The following HOXB5 variants were observed in gnomAD, a reference collection of about 807,000 sequenced individuals.
HOXB5 encodes the protein homeobox protein Hox-B5.
In HOXB5, 10 loss-of-function variants were observed where a neutral mutation model predicts 19.6. That is an observed-to-expected ratio of 0.51 (90% CI 0.32 to 0.87). HOXB5 has a LOEUF of 0.87. Ranked by LOEUF, HOXB5 falls within the 40% of genes least tolerant of loss-of-function variation. HOXB5 has a pLI of 0.04. For missense variants in HOXB5, 353 were observed against 369.6 expected (o/e 0.96, Z 0.37); for synonymous variants, 167 against 156.9 (o/e 1.06, Z -0.48).
chr17:48,593,063 C>CCCCCCCCAA, intron 1 of HOXB5, 58 bp downstream of exon 1: 3 of 466,134 alleles, frequency 6.4e-6, no homozygotes, highest in Non-Finnish European at 1.2e-5. Context: ...TCCCCCCGAT[C>CCCCCCCCAA]CCACCCCAAA....
At position 48,592,152 on chromosome 17, in the gene HOXB5, G is replaced by A; in HGVS notation, c.*57C>T. ...CGGCGGCAGAGCGGGGAGGATTGGA[G>A]GGGCCAGGGCTGGGGGTGGCACGGG... On this transcript the variant is annotated 3_prime_UTR_variant, in exon 2 of 2. Transcript: ENST00000239151. 6.4e-7 allele frequency: 1 copy of A among 1,572,150 alleles called. No individual in the cohort carries two copies. The highest frequency in any genetic ancestry group is 2.3e-5 in the East Asian group (1 of 44,438).
At position 48,592,185 on chromosome 17, in the gene HOXB5, G is replaced by T. The variant is rs2070168244; in HGVS notation, c.*24C>A. On this transcript the variant is annotated 3_prime_UTR_variant, in exon 2 of 2. Transcript: ENST00000239151. ...GGCTGGGGGTGGCACGGGCTCTTGG[G>T]CCGCTGGGCTCCTCTGGGCGGGCTC... The T allele has an allele frequency of 6.2e-7, 1 of 1,607,004 alleles. No individual in the cohort carries two copies. The highest frequency in any genetic ancestry group is 1.3e-5 in the African/African-American group (1 of 74,610).
Position 48,593,606 on chromosome 17 carries a change from C to G in HOXB5, c.77G>C (p.Ser26Thr). The change falls in exon 1 of 2, where the codon AGT becomes ACT. Residue 26 changes from serine to threonine, a missense_variant. By Grantham distance (58) the Ser-to-Thr change is moderately conservative. Transcript: ENST00000239151. ...GPDYQLLNYGSGSSLSGSYRD... is the reference protein window; with the variant it reads ...GPDYQLLNYGTGSSLSGSYRD... ...GTAAGAGCCGCTCAGAGAGCTGCCA[C>G]TGCCATAATTTAGCAACTGATAGTC... 2 of 1,613,138 alleles carry G rather than the reference C, an allele frequency of 1.2e-6. No homozygotes were observed. Among genetic ancestry groups the G allele is most frequent in the Non-Finnish European group, 1.7e-6 (2 of 1,180,022 alleles).
In HOXB5 at chr17:48,593,741, C is replaced by G; in HGVS notation, c.-59G>C. 2.8e-6 allele frequency: 4 copies of G among 1,412,570 alleles called. No homozygotes were observed. The highest frequency in any genetic ancestry group is 2.9e-6 in the Non-Finnish European group (3 of 1,036,098). The allele number at this position is 1,412,570 out of a possible 1,614,324, so 87.5% of individuals were successfully genotyped here. A position where few individuals can be genotyped will look rare whatever the true frequency, so the allele number is the denominator to read the frequency against. ...GTGGTCGTTATAACCCTGTGCTTCA[C>G]GATTTATGATGTATTAATGAATTAT... is the stretch of plus-strand genomic sequence containing the variant. On this transcript the variant is annotated 5_prime_UTR_variant, in exon 1 of 2. Transcript: ENST00000239151.
chr17:48,593,475 C>T lies in HOXB5; in HGVS notation c.208G>A (p.Gly70Ser), dbSNP rs2070200324. 6.2e-7 allele frequency: 1 copy of T among 1,612,608 alleles called. No individual in the cohort carries two copies. Among genetic ancestry groups the T allele is most frequent in the African/African-American group, 1.3e-5 (1 of 74,908 alleles). The change falls in exon 1 of 2, where the codon GGC (glycine) becomes AGC (serine). Residue 70 changes from glycine (G) to serine (S), a missense_variant. Gly to Ser is a moderately conservative substitution (Grantham distance 56). Coordinates refer to ENST00000239151, the MANE Select transcript of HOXB5 (RefSeq NM_002147.4). ...GCGGGGAAGGCGCGCGAGCTCTCGC[C>T]CACCGCCCCAAAGTGGCTGGAGGAG... is the stretch of plus-strand genomic sequence containing the variant. Reference protein sequence around the residue: ...SASSSHFGAVGESSRAFPAPA... With the variant: ...SASSSHFGAVSESSRAFPAPA...
rs376901743 is a variant in HOXB5 at position 48,592,410 on chromosome 17, G to A, written c.609C>T (p.Arg203=). 1.8e-5 allele frequency: 29 copies of A among 1,614,112 alleles called. No homozygotes were observed. The African/African-American group carries it at 3.3e-4, about 19-fold the overall frequency. ...DGKRARTAYT[R]YQTLELEKEF... is the part of the protein sequence containing the mutation. ...CCTTTTCCAGCTCCAGGGTCTGGTA[G>A]CGGGTATACGCGGTCCGGGCCCTTT... Residue 203 remains arginine (R), a synonymous_variant, in exon 2 of 2, where the codon CGC becomes CGT. Coordinates refer to ENST00000239151, the MANE Select transcript of HOXB5 (RefSeq NM_002147.4).
chr17:48,592,993 A>T, intron 1 of HOXB5, 128 bp downstream of exon 1: 1 of 682,214 alleles, frequency 1.5e-6, no homozygotes, highest in Non-Finnish European at 2.3e-6. Context: ...GGCCCCTCTT[A>T]GATACTTCTC....
rs773123410 is a variant in HOXB5 at position 48,593,238 on chromosome 17, G to A, written c.445C>T (p.Leu149=). 2 of 1,613,812 alleles carry A rather than the reference G, an allele frequency of 1.2e-6. No individual in the cohort carries two copies. The highest frequency in any genetic ancestry group is 1.7e-6 in the Non-Finnish European group (2 of 1,179,764). The change falls in exon 1 of 2, where the codon CTA becomes TTA. Residue 149 remains leucine (L), a synonymous_variant. Transcript: ENST00000239151. ...GCCCGAGCTAGGCTGGGGCTGCTTA[G>A]CTGGCTTGCCGCTTCCTCAGGCTCC... ...SSEPEEAASQ[L]SSPSLARAQP... is the part of the protein sequence containing the mutation.
chr17:48,593,583 A>G lies in HOXB5; in HGVS notation c.100T>C (p.Tyr34His). The G allele has an allele frequency of 6.2e-7, 1 of 1,613,048 alleles. No individual in the cohort carries two copies. The highest frequency in any genetic ancestry group is 1.3e-5 in the African/African-American group (1 of 75,044). The change falls in exon 1 of 2, where the codon TAC becomes CAC. Residue 34 changes from tyrosine (Y) to histidine (H), a missense_variant. By Grantham distance (83) the Tyr-to-His change is moderately conservative (BLOSUM62 2). Transcript: ENST00000239151. ...YGSGSSLSGS[Y>H]RDPAAMHTGS... is the part of the protein sequence containing the mutation. The stretch of plus-strand genomic sequence containing the variant: ...GTGTGCATGGCAGCGGGATCCCTGT[A>G]AGAGCCGCTCAGAGAGCTGCCACTG...
In HOXB5 at chr17:48,592,108, G is replaced by T; in HGVS notation, c.*101C>A. 7.2e-7 allele frequency: 1 copy of T among 1,393,304 alleles called. No individual in the cohort carries two copies. Among genetic ancestry groups the T allele is most frequent in the Non-Finnish European group, 9.7e-7 (1 of 1,029,728 alleles). The allele number at this position is 1,393,304 out of a possible 1,614,324, so 86.3% of individuals were successfully genotyped here. A position where few individuals can be genotyped will look rare whatever the true frequency, so the allele number is the denominator to read the frequency against. On this transcript the variant is annotated 3_prime_UTR_variant, in exon 2 of 2. Coordinates refer to ENST00000239151, the MANE Select transcript of HOXB5 (RefSeq NM_002147.4). ...TAACACAAGGCGAGGCAGGCTTGTG[G>T]GAACCGGTCCCCAGCGGGCGGCGGC...
chr17:48,592,174 C>A lies in HOXB5; in HGVS notation c.*35G>T. 6.2e-7 allele frequency: 1 copy of A among 1,600,524 alleles called. No homozygotes were observed. The highest frequency in any genetic ancestry group is 8.5e-7 in the Non-Finnish European group (1 of 1,172,372). ...GGAGGGGCCAGGGCTGGGGGTGGCA[C>A]GGGCTCTTGGGCCGCTGGGCTCCTC... On this transcript the variant is annotated 3_prime_UTR_variant, in exon 2 of 2. Coordinates refer to ENST00000239151, the MANE Select transcript of HOXB5 (RefSeq NM_002147.4).
chr17:48,593,321 G>T lies in HOXB5; in HGVS notation c.362C>A (p.Ala121Glu), dbSNP rs2070196808. ...KPSASSPSDQ[A>E]TSASSSANFT... is the part of the protein sequence containing the mutation. ...ATTGGCGCTGGAGCTGGCTGAGGTC[G>T]CCTGGTCGGAGGGGGACGAAGCAGA... The change falls in exon 1 of 2, where the codon GCG becomes GAG. Residue 121 changes from alanine (A) to glutamate (E), a missense_variant. Coordinates refer to ENST00000239151, the MANE Select transcript of HOXB5 (RefSeq NM_002147.4). The T allele has an allele frequency of 1.9e-6, 3 of 1,610,966 alleles. No homozygotes were observed. Among genetic ancestry groups the T allele is most frequent in the South Asian group, 1.1e-5 (1 of 90,796 alleles).
Position 48,592,476 on chromosome 17 carries a change from G to A in HOXB5, c.563-20C>T. 1 of 1,298,512 alleles carries A rather than the reference G, an allele frequency of 7.7e-7. No individual in the cohort carries two copies. The highest frequency in any genetic ancestry group is 1.0e-6 in the Non-Finnish European group (1 of 971,268). 80.4% of individuals were successfully genotyped at this position (1,298,512 alleles called of 1,614,324 possible). On this transcript the variant is annotated intron_variant, in intron 1 of 1. Coordinates refer to ENST00000239151, the MANE Select transcript of HOXB5 (RefSeq NM_002147.4). ...TCATATCTGGAGCAGATAGAGGAAA[G>A]CCGCAAGGCAACATTATTCCGGTTA...
At chr17:48,592,564 T>C (rs2070178823) in intron 1 of HOXB5, 108 bp from the exon 2 acceptor site, 2 of 1,133,774 alleles carry the variant, frequency 1.8e-6, no homozygotes, top group East Asian at 5.1e-5. Context: ...GGCACCCAGC[T>C]CACCACAGCT....
Position 48,592,437 on chromosome 17 carries a change from C to G in HOXB5, c.582G>C (p.Gly194=), listed in dbSNP as rs556018585. 11 of 1,613,820 alleles carry G rather than the reference C, an allele frequency of 6.8e-6. No homozygotes were observed. The highest frequency in any genetic ancestry group is 9.3e-6 in the Non-Finnish European group (11 of 1,179,952). ...HISHDMTGPD[G]KRARTAYTRY... ...GGGTATACGCGGTCCGGGCCCTTTTCCCGTCCGGCCCGGTCATATCTGGAG... is the reference window on the plus strand; with the variant it reads ...GGGTATACGCGGTCCGGGCCCTTTTGCCGTCCGGCCCGGTCATATCTGGAG... Residue 194 remains glycine (G), a synonymous_variant, in exon 2 of 2, where the codon GGG becomes GGC. Coordinates refer to ENST00000239151, the MANE Select transcript of HOXB5 (RefSeq NM_002147.4).
chr17:48,593,378 C>T lies in HOXB5; in HGVS notation c.305G>A (p.Cys102Tyr), dbSNP rs41315972. Residue 102 changes from cysteine to tyrosine, a missense_variant, in exon 1 of 2, where the codon TGC (cysteine) becomes TAC (tyrosine). Physicochemically the swap from Cys to Tyr is radical, Grantham distance 194. Coordinates refer to ENST00000239151, the MANE Select transcript of HOXB5 (RefSeq NM_002147.4). ...CSLSSPESLP[C>Y]TNGDSHGAKP... ...GGCGCCGTGGCTGTCGCCGTTGGTG[C>T]AGGGCAGGGACTCGGGCGAGGACAG... 4.4e-6 allele frequency: 7 copies of T among 1,601,848 alleles called. No homozygotes were observed. The highest frequency in any genetic ancestry group is 4.5e-5 in the East Asian group (2 of 44,664).
chr17:48,592,723 G>T (rs920424399), intron 1 of HOXB5, among the ~76,000 whole-genome samples: 2 of 152,204 alleles, frequency 1.3e-5, no homozygotes, highest in Admixed American at 6.5e-5. Flanking sequence ...TCAGGCGGCC[G>T]CTCGCCCCGG....
intron 1 of HOXB5, 142 bp downstream of exon 1, chr17:48,592,979 A>T: frequency 1.7e-6 from 1 of 586,712 alleles, no homozygotes; most frequent in Non-Finnish European, 2.8e-6. Context: ...CTACGAAGCT[A>T]TGAGGCCCCT....
In HOXB5 at chr17:48,593,454, G is replaced by A. The variant is rs1370029135; in HGVS notation, c.229C>T (p.Pro77Ser). The A allele has an allele frequency of 6.2e-7, 1 of 1,611,268 alleles. No individual in the cohort carries two copies. The highest frequency in any genetic ancestry group is 8.5e-7 in the Non-Finnish European group (1 of 1,178,274). Reference protein sequence around the residue: ...GAVGESSRAFPAPAQEPRFRQ... With the variant: ...GAVGESSRAFSAPAQEPRFRQ... ...AAGCGGGGCTCCTGGGCGGGCGCGG[G>A]GAAGGCGCGCGAGCTCTCGCCCACC... is the stretch of plus-strand genomic sequence containing the variant. Residue 77 changes from proline to serine, a missense_variant, in exon 1 of 2, where the codon CCC (proline) becomes TCC (serine). Pro to Ser is a moderately conservative substitution (Grantham distance 74). Transcript: ENST00000239151.
Sources: gnomAD v4.1 joint callset for allele counts (sites outside exome capture counted in the v4.1 genomes callset) on GRCh38, gnomAD v4.1.1 for gene constraint, MANE v1.5 for transcripts, NCBI Gene and HGNC (gene_info 2026-07-23, HGNC 2026-07-21) for gene names.